The following LTV1 variants were observed in gnomAD, a reference collection of about 807,000 sequenced individuals.
The protein encoded by LTV1 is protein LTV1 homolog.
Under a neutral mutation model 59.9 loss-of-function variants are expected in LTV1, and 39 were observed. That is an observed-to-expected ratio of 0.65 (90% CI 0.50 to 0.85). The LOEUF is 0.85. LTV1 is among the 40% of genes least tolerant of loss of function. The pLI is 0.00. For missense variants in LTV1, 493 were observed against 549.1 expected, an observed-to-expected ratio of 0.90 and a Z score of 1.02; for synonymous variants, 171 against 189.5, an observed-to-expected ratio of 0.90 and a Z score of 0.80.
At chr6:143,848,699 C>A (rs1262527775) in intron 3 of LTV1, among the ~76,000 whole-genome samples, 2 of 152,146 alleles carry the variant, frequency 1.3e-5, no homozygotes, top group Non-Finnish European at 2.9e-5. Context: ...GGCTAGCAAG[C>A]ACATGTTTGA....
intron 3 of LTV1, among the ~76,000 whole-genome samples, chr6:143,847,726 C>G (rs942229577): frequency 2.6e-5 from 4 of 152,174 alleles, no homozygotes; most frequent in African/African-American, 9.7e-5. Flanking sequence ...GGCTTTTTAA[C>G]AGGATAAGGC....
At chr6:143,844,652 T>C (rs1192412437) in intron 2 of LTV1, 35 bp downstream of exon 2, 3 of 1,566,264 alleles carry the variant, frequency 1.9e-6, no homozygotes, top group Non-Finnish European at 1.7e-6. Context: ...AGTTTGTAGG[T>C]AGACAATAGT....
chr6:143,843,483 G>C lies in LTV1; in HGVS notation c.3+3G>C. On this transcript the variant is annotated splice_donor_region_variant and intron_variant, in intron 1 of 10. Transcript: ENST00000367576. ...GAGCGCCGCGCGGCTGCAGCATGGT[G>C]AGCAAGCCTTGCTTGTTTCGGCGGC... 1 of 1,613,566 alleles carries C rather than the reference G, an allele frequency of 6.2e-7. No individual in the cohort carries two copies. Among genetic ancestry groups the C allele is most frequent in the East Asian group, 2.2e-5 (1 of 44,860 alleles).
rs924047044 is a variant in LTV1 at position 143,843,394 on chromosome 6, C to T, written c.-84C>T. ...GTGTGGTGAGGCCTACAGAAGCGGC[C>T]TTCAGCTGGACCTTGGTCTCCCCGC... On this transcript the variant is annotated 5_prime_UTR_variant, in exon 1 of 11. Coordinates refer to ENST00000367576, the MANE Select transcript of LTV1 (RefSeq NM_032860.5). 104 of 1,572,372 alleles carry T rather than the reference C, an allele frequency of 6.6e-5. No homozygotes were observed. The highest frequency in any genetic ancestry group is 8.5e-5 in the Non-Finnish European group (98 of 1,147,236).
rs772192234 is a variant in LTV1, at chr6:143,850,123, T to C, written c.310-8T>C. On this transcript the variant is annotated splice_polypyrimidine_tract_variant and splice_region_variant and intron_variant, in intron 3 of 10. Coordinates refer to ENST00000367576, the MANE Select transcript of LTV1 (RefSeq NM_032860.5). ...TAAACCTAACCATTGTGCAATTTCT[T>C]TTTCAAGAGCACTGGAATTAAGTTG... 1 of 1,610,952 alleles carries C rather than the reference T, an allele frequency of 6.2e-7. No individual in the cohort carries two copies. Among genetic ancestry groups the C allele is most frequent in the South Asian group, 1.1e-5 (1 of 90,488 alleles).
In LTV1 at chr6:143,857,302, G is replaced by A; in HGVS notation, c.398-1G>A. On this transcript the variant is annotated splice_acceptor_variant, in intron 4 of 10. Coordinates refer to ENST00000367576, the MANE Select transcript of LTV1 (RefSeq NM_032860.5). LOFTEE classifies it high-confidence loss of function. The surrounding 1 kb of genome is among the most constrained non-coding windows in gnomAD (Gnocchi z 5.2). ...CTGCTTAATTTTTGTTTTCCTTCTA[G>A]GACCTCGACTGGATTTTGATCCTGA... The A allele has an allele frequency of 6.2e-7, 1 of 1,613,616 alleles. No homozygotes were observed. Among genetic ancestry groups the A allele is most frequent in the Non-Finnish European group, 8.5e-7 (1 of 1,179,652 alleles).
chr6:143,848,650 A>G (rs113386962), intron 3 of LTV1, among the ~76,000 whole-genome samples: 17 of 152,312 alleles, frequency 1.1e-4, no homozygotes, highest in African/African-American at 3.8e-4. Flanking sequence ...TGTTTGGTCA[A>G]GGAGAGGAAA....
intron 3 of LTV1, among the ~76,000 whole-genome samples, 163 bp downstream of exon 3, chr6:143,846,387 A>G (rs1001848644): frequency 3.9e-5 from 6 of 152,202 alleles, no homozygotes; most frequent in African/African-American, 1.2e-4. Context: ...TACCATCAGG[A>G]GAGAATAGGT....
At chr6:143,845,588 G>A (rs186705271) in intron 2 of LTV1, among the ~76,000 whole-genome samples, 13 of 152,240 alleles carry the variant, frequency 8.5e-5, no homozygotes, top group South Asian at 2.1e-4. Context: ...ATTTTGCCCA[G>A]GCTGGTCTTG....
At chr6:143,860,681 T>G in intron 7 of LTV1, 128 bp downstream of exon 7, 2 of 735,460 alleles carry the variant, frequency 2.7e-6, no homozygotes, top group Middle Eastern at 3.5e-4. Flanking sequence ...ATTGAGAAAA[T>G]GAAAAAGGAA....
intron 3 of LTV1, among the ~76,000 whole-genome samples, chr6:143,847,484 C>T (rs988416447): frequency 8.5e-5 from 13 of 152,178 alleles, no homozygotes; most frequent in African/African-American, 2.9e-4. Context: ...GCCTCAGCCT[C>T]CCTAGAAGCT....
intron 7 of LTV1, among the ~76,000 whole-genome samples, chr6:143,861,821 C>T (rs1476879511): frequency 6.6e-6 from 1 of 152,042 alleles, no homozygotes; most frequent in Non-Finnish European, 1.5e-5. Context: ...ATGAGTTATG[C>T]TTTTTTAGGC....
intron 3 of LTV1, among the ~76,000 whole-genome samples, chr6:143,847,640 C>T (rs979902735): frequency 3.9e-5 from 6 of 152,174 alleles, no homozygotes; most frequent in South Asian, 2.1e-4. Context: ...GGATTACAGG[C>T]GTGAGCCACC....
At chr6:143,860,610 TC>T in intron 7 of LTV1, 57 bp downstream of exon 7, 2 of 1,505,798 alleles carry the variant, frequency 1.3e-6, no homozygotes, top group Non-Finnish European at 1.8e-6. Context: ...AAGAAAAAAT[TC>T]CAAAGAAAGG....
intron 4 of LTV1, among the ~76,000 whole-genome samples, chr6:143,853,238 G>A (rs924914881): frequency 1.3e-5 from 2 of 152,188 alleles, no homozygotes; most frequent in Admixed American, 6.5e-5. Flanking sequence ...AATTGTGAAT[G>A]GGAGTTCCCT....
At chr6:143,858,950 C>A (rs1283955847) in intron 6 of LTV1, among the ~76,000 whole-genome samples, 1 of 152,124 alleles carries the variant, frequency 6.6e-6, no homozygotes, top group African/African-American at 2.4e-5. Context: ...AGGCCAGTCA[C>A]CCTAGTTTTG....
At chr6:143,849,582 C>T (rs1449532876) in intron 3 of LTV1, among the ~76,000 whole-genome samples, 2 of 152,124 alleles carry the variant, frequency 1.3e-5, no homozygotes, top group Admixed American at 6.5e-5. Flanking sequence ...TAGAGAGTTA[C>T]TTTTGGGTTT....
chr6:143,860,674 G>A, intron 7 of LTV1, 121 bp downstream of exon 7: 2 of 776,846 alleles, frequency 2.6e-6, no homozygotes, highest in South Asian at 3.8e-5. Context: ...AATACATATT[G>A]AGAAAATGAA....
intron 3 of LTV1, among the ~76,000 whole-genome samples, chr6:143,849,257 G>A (rs1164747779): frequency 1.3e-5 from 2 of 152,138 alleles, no homozygotes; most frequent in Non-Finnish European, 1.5e-5. Flanking sequence ...AGGGGACATA[G>A]GACAGAGCAA....
Sources: allele counts gnomAD v4.1 joint callset (sites outside exome capture counted in the v4.1 genomes callset), GRCh38; gene constraint gnomAD v4.1.1; non-coding constraint Gnocchi (gnomAD v3.1); transcripts MANE v1.5; gene names NCBI Gene and HGNC (gene_info 2026-07-23, HGNC 2026-07-21).